The following VPS33A variants were observed in gnomAD, a reference collection of about 807,000 sequenced individuals.
VPS33A encodes VPS33A core subunit of CORVET and HOPS complexes, also known as vacuolar protein sorting-associated protein 33A.
VPS33A carries 32 observed loss-of-function variants against 71.8 expected under a neutral mutation model. The observed-to-expected ratio is 0.45, with a 90% CI of 0.34 to 0.60. The LOEUF is 0.60. VPS33A is among the 20% of genes least tolerant of loss of function. The probability of loss-of-function intolerance (pLI) is 0.02; values close to 1 mark genes in which losing one functional copy is unlikely to be tolerated. For synonymous variants in VPS33A, 311 were observed against 292.7 expected (o/e 1.06, Z -0.64); for missense variants, 625 against 748.5 (o/e 0.84, Z 1.92).
chr12:122,252,604 A>G (rs917933973), intron 4 of VPS33A, among the ~76,000 whole-genome samples: 10 of 152,056 alleles, frequency 6.6e-5, no homozygotes, highest in Non-Finnish European at 1.2e-4. Flanking sequence ...GAGAGAGAGA[A>G]AAAAACCACC....
intron 6 of VPS33A, 63 bp downstream of exon 6, chr12:122,249,808 A>C (rs768235792): frequency 2.1e-5 from 30 of 1,448,380 alleles, no homozygotes; most frequent in Non-Finnish European, 2.7e-5. Flanking sequence ...TACAAACAGT[A>C]GCCTCCACAA....
intron 5 of VPS33A, among the ~76,000 whole-genome samples, chr12:122,250,675 G>C (rs1954831142): frequency 6.6e-6 from 1 of 152,178 alleles, no homozygotes; most frequent in Non-Finnish European, 1.5e-5. Context: ...AAATATGACA[G>C]TGAGACTGTG....
Position 122,230,795 on chromosome 12 carries a change from GA to G in VPS33A, c.*1450del, listed in dbSNP as rs1954550350. 1 of 152,110 alleles carries G rather than the reference GA, an allele frequency of 6.6e-6. No individual in the cohort carries two copies. The highest frequency in any genetic ancestry group is 2.1e-4 in the South Asian group (1 of 4,830). 9.4% of individuals were successfully genotyped at this position (152,110 alleles called of 1,614,324 possible). On this transcript the variant is annotated 3_prime_UTR_variant, in exon 13 of 13. Coordinates refer to ENST00000267199, the MANE Select transcript of VPS33A (RefSeq NM_022916.6). ...CTTAACTCCTCCAGAAGCTAAGATG[GA>G]GGAGCAGAGGGGCAGAGAACACACG... is the stretch of plus-strand genomic sequence containing the variant.
Position 122,261,169 on chromosome 12 carries a change from A to G in VPS33A, c.483+92T>C, listed in dbSNP as rs1428190699. On this transcript the variant is annotated intron_variant, in intron 4 of 12. Coordinates refer to ENST00000267199, the MANE Select transcript of VPS33A (RefSeq NM_022916.6). Reference sequence around the variant, plus strand: ...AACATCAATAAACATATAAAATGGGACTCAGCTTCACAGTAATCAGTACTG... The same window carrying G: ...AACATCAATAAACATATAAAATGGGGCTCAGCTTCACAGTAATCAGTACTG... 4 of 1,032,926 alleles carry G rather than the reference A, an allele frequency of 3.9e-6. No homozygotes were observed. In the African/African-American group the frequency reaches 6.7e-5, roughly 17 times the overall value. 64.0% of individuals were successfully genotyped at this position (1,032,926 alleles called of 1,614,324 possible).
In VPS33A at chr12:122,235,670, C is replaced by T. The variant is rs917434108; in HGVS notation, c.1440+116G>A. The T allele has an allele frequency of 1.7e-5, 23 of 1,378,484 alleles. No homozygotes were observed. The African/African-American group carries it at 2.8e-4, about 17-fold the overall frequency. 85.4% of individuals were successfully genotyped at this position (1,378,484 alleles called of 1,614,324 possible). ...CATGCATACATTACTTTTTCAAAAA[C>T]ATTAGAAAATTGTTTTCAGAAAGCA... On this transcript the variant is annotated intron_variant, in intron 11 of 12. Transcript: ENST00000267199.
At position 122,263,611 on chromosome 12, in the gene VPS33A, C is replaced by T. The variant is rs1206113784; in HGVS notation, c.257G>A (p.Arg86Lys). 1 of 1,613,290 alleles carries T rather than the reference C, an allele frequency of 6.2e-7. No individual in the cohort carries two copies. Among genetic ancestry groups the T allele is most frequent in the Non-Finnish European group, 8.5e-7 (1 of 1,179,478 alleles). Residue 86 changes from arginine (R) to lysine (K), a missense_variant, in exon 3 of 13, where the codon AGG (arginine) becomes AAG (lysine). Transcript: ENST00000267199. The stretch of plus-strand genomic sequence containing the variant: ...AGCGATTATATCCATCAACTCTAGC[C>T]TGGGTCTGACAAAAAAAATTATATT... ...VKNIIFFVRP[R>K]LELMDIIAEN... is the part of the protein sequence containing the mutation.
In VPS33A at chr12:122,231,547, T is replaced by C. The variant is rs921065477; in HGVS notation, c.*699A>G. The C allele has an allele frequency of 6.6e-6, 1 of 152,230 alleles. No homozygotes were observed. The highest frequency in any genetic ancestry group is 2.4e-5 in the African/African-American group (1 of 41,448). The allele number at this position is 152,230 out of a possible 1,614,324, so 9.4% of individuals were successfully genotyped here. A position where few individuals can be genotyped will look rare whatever the true frequency, so the allele number is the denominator to read the frequency against. On this transcript the variant is annotated 3_prime_UTR_variant, in exon 13 of 13. Coordinates refer to ENST00000267199, the MANE Select transcript of VPS33A (RefSeq NM_022916.6). Reference sequence around the variant, plus strand: ...CCTTGAAGAAATACAGCACTGGGGATTAGAGGATGAACTTTCTCTTTTTAT... The same window carrying C: ...CCTTGAAGAAATACAGCACTGGGGACTAGAGGATGAACTTTCTCTTTTTAT...
At position 122,232,896 on chromosome 12, in the gene VPS33A, G is replaced by T. The variant is rs774419174; in HGVS notation, c.1513C>A (p.Arg505=). 5.6e-6 allele frequency: 9 copies of T among 1,613,926 alleles called. No individual in the cohort carries two copies. The highest frequency in any genetic ancestry group is 1.3e-5 in the African/African-American group (1 of 74,934). ...TCCTCGATGCTCCGCCAGCCAGGCC[G>T]GGAAAGCAGCTGGGCCAGCCGCACA... ...LSVRLAQLLS[R]PGWRSIEEVL... is the part of the protein sequence containing the mutation. Residue 505 remains arginine (R), a synonymous_variant, in exon 12 of 13, where the codon CGG becomes AGG. Transcript: ENST00000267199.
chr12:122,237,372 A>C (rs961778059), intron 10 of VPS33A, among the ~76,000 whole-genome samples: 12 of 152,110 alleles, frequency 7.9e-5, no homozygotes, highest in Non-Finnish European at 2.9e-5. Context: ...TGGGTGAGTT[A>C]CCTAAACTAG....
chr12:122,264,213 G>A lies in VPS33A; in HGVS notation c.103-14C>T, dbSNP rs1331986485. 1 of 1,522,630 alleles carries A rather than the reference G, an allele frequency of 6.6e-7. No homozygotes were observed. The highest frequency in any genetic ancestry group is 1.3e-5 in the South Asian group (1 of 76,712). The allele number at this position is 1,522,630 out of a possible 1,614,324, so 94.3% of individuals were successfully genotyped here. On this transcript the variant is annotated splice_polypyrimidine_tract_variant and intron_variant, in intron 1 of 12. Coordinates refer to ENST00000267199, the MANE Select transcript of VPS33A (RefSeq NM_022916.6). The stretch of plus-strand genomic sequence containing the variant: ...CCAAACTATTGCCTGTAAGAGGGGA[G>A]AAACATTCTCTTATTATAGTTAATA...
intron 3 of VPS33A, 59 bp downstream of exon 3, chr12:122,263,513 T>C: frequency 6.7e-7 from 1 of 1,502,316 alleles, no homozygotes; most frequent in Non-Finnish European, 8.9e-7. Flanking sequence ...AAGGAGCTCA[T>C]AAATTAAAAG....
chr12:122,247,167 A>AT (rs1297391930), intron 6 of VPS33A, among the ~76,000 whole-genome samples: 1 of 152,026 alleles, frequency 6.6e-6, no homozygotes, highest in Non-Finnish European at 1.5e-5. Context: ...TATTTTTCCA[A>AT]TTTTTTTCCT....
intron 11 of VPS33A, among the ~76,000 whole-genome samples, chr12:122,234,095 G>A (rs1954599227): frequency 6.6e-6 from 1 of 152,132 alleles, no homozygotes; most frequent in South Asian, 2.1e-4. Context: ...GTAAAGCAAA[G>A]TGCACCCCAC....
intron 4 of VPS33A, among the ~76,000 whole-genome samples, chr12:122,261,036 T>C (rs1223889110): frequency 1.3e-5 from 2 of 152,202 alleles, no homozygotes; most frequent in Non-Finnish European, 2.9e-5. Context: ...GGGAAGATAC[T>C]TGCAGCTTTT....
At chr12:122,238,779 ACACAC>A in intron 9 of VPS33A, 55 bp from the exon 10 acceptor site, 1 of 1,068,738 alleles carries the variant, frequency 9.4e-7, no homozygotes, top group Non-Finnish European at 1.4e-6. Flanking sequence ...ATACACACAC[ACACAC>A]ACACACACAC....
In VPS33A at chr12:122,264,214, A is replaced by T. The variant is rs199695444; in HGVS notation, c.103-15T>A. Reference sequence around the variant, plus strand: ...CAAACTATTGCCTGTAAGAGGGGAGAAACATTCTCTTATTATAGTTAATAT... The same window carrying T: ...CAAACTATTGCCTGTAAGAGGGGAGTAACATTCTCTTATTATAGTTAATAT... On this transcript the variant is annotated splice_polypyrimidine_tract_variant and intron_variant, in intron 1 of 12. Transcript: ENST00000267199. 6.6e-6 allele frequency: 10 copies of T among 1,523,236 alleles called. No homozygotes were observed. The highest frequency in any genetic ancestry group is 8.9e-6 in the Non-Finnish European group (10 of 1,118,916). 94.4% of individuals were successfully genotyped at this position (1,523,236 alleles called of 1,614,324 possible).
intron 10 of VPS33A, among the ~76,000 whole-genome samples, chr12:122,237,057 C>CAA (rs1954638131): frequency 6.6e-6 from 1 of 151,966 alleles, no homozygotes; most frequent in Non-Finnish European, 1.5e-5. Context: ...TAAAAAAAGA[C>CAA]AAAAACAAAA....
At chr12:122,240,066 A>C in intron 8 of VPS33A, 121 bp from the exon 9 acceptor site, 1 of 728,160 alleles carries the variant, frequency 1.4e-6, no homozygotes. Context: ...GGTGGCTCAC[A>C]CCTGTAATCT....
chr12:122,243,598 A>G (rs1385024026), intron 7 of VPS33A, among the ~76,000 whole-genome samples: 1 of 152,194 alleles, frequency 6.6e-6, no homozygotes, highest in East Asian at 1.9e-4. Flanking sequence ...TGATGATAAT[A>G]TTTTTTGGCA....
Sources: allele counts gnomAD v4.1 joint callset (sites outside exome capture counted in the v4.1 genomes callset), GRCh38; gene constraint gnomAD v4.1.1; transcripts MANE v1.5; gene names NCBI Gene and HGNC (gene_info 2026-07-23, HGNC 2026-07-21).